PTPRG: variants seen among roughly 807,000 people sequenced by gnomAD.
PTPRG encodes the protein receptor-type tyrosine-protein phosphatase gamma.
Under a neutral mutation model 165.3 loss-of-function variants are expected in PTPRG, and 102 were observed. The observed-to-expected ratio is 0.62, with a 90% confidence interval of 0.53 to 0.73. PTPRG has a LOEUF of 0.73. Among genes scored for constraint, PTPRG ranks in the 30% least tolerant of loss-of-function variants. The probability of loss-of-function intolerance (pLI) is 0.00; values close to 1 mark genes in which losing one functional copy is unlikely to be tolerated. For missense variants in PTPRG, 1,866 were observed against 1,861.4 expected (o/e 1.00, Z -0.05); for synonymous variants, 675 against 669.5 (o/e 1.01, Z -0.13).
At chr3:61,903,369 T>C (rs1056723945) in intron 2 of PTPRG, among the ~76,000 whole-genome samples, 1 of 152,152 alleles carries the variant, frequency 6.6e-6, no homozygotes, top group Non-Finnish European at 1.5e-5. Flanking sequence ...GGCTATTGGC[T>C]TCTTTTTTTA....
At chr3:62,051,949 C>G (rs145140485) in intron 4 of PTPRG, among the ~76,000 whole-genome samples, 1 of 152,218 alleles carries the variant, frequency 6.6e-6, no homozygotes, top group East Asian at 1.9e-4. Context: ...TGTTAATATA[C>G]CTTTGTAACC....
At position 61,995,710 on chromosome 3, in the gene PTPRG, T is replaced by G. The variant is rs1265231783; in HGVS notation, c.370+5906T>G. ...TTCCTTCCTTCCTTCCTTCCTTCCTTCCTTCCTTCCTTCCTTCCTTCCTTC... is the reference window on the plus strand; with the variant it reads ...TTCCTTCCTTCCTTCCTTCCTTCCTGCCTTCCTTCCTTCCTTCCTTCCTTC... On this transcript the variant is annotated intron_variant, in intron 3 of 29. Transcript: ENST00000474889. Among the ~76,000 whole-genome samples, 198 of 136,832 alleles carry G rather than the reference T, an allele frequency of 1.4e-3. 4 individuals carry two copies. Among genetic ancestry groups the G allele is most frequent in the Middle Eastern group, 3.6e-3 (1 of 280 alleles). 89.8% of individuals were successfully genotyped at this position (136,832 alleles called of 152,430 possible).
At chr3:61,609,222 G>A (rs1701097440) in intron 1 of PTPRG, among the ~76,000 whole-genome samples, 3 of 152,188 alleles carry the variant, frequency 2.0e-5, no homozygotes, top group Non-Finnish European at 4.4e-5. Context: ...ATACCTTGCT[G>A]TGTGGGTCGA....
At chr3:62,200,280 TA>T (rs1173695198) in intron 10 of PTPRG, among the ~76,000 whole-genome samples, 7 of 152,106 alleles carry the variant, frequency 4.6e-5, no homozygotes, top group Non-Finnish European at 7.3e-5. Flanking sequence ...TTTATTTATT[TA>T]TTTTTTTTGA....
chr3:61,940,885 C>A (rs188083547), intron 2 of PTPRG, among the ~76,000 whole-genome samples: 1 of 152,006 alleles, frequency 6.6e-6, no homozygotes, highest in African/African-American at 2.4e-5. Flanking sequence ...AGGATGATCT[C>A]GATCTCCTGA....
chr3:61,893,128 G>A (rs771371154), intron 2 of PTPRG, among the ~76,000 whole-genome samples: 7 of 152,192 alleles, frequency 4.6e-5, no homozygotes, highest in Non-Finnish European at 1.0e-4. Context: ...GGAGCCATGT[G>A]TGATAGTGGA....
intron 1 of PTPRG, among the ~76,000 whole-genome samples, chr3:61,666,536 G>A (rs1258906593): frequency 1.3e-5 from 2 of 152,176 alleles, no homozygotes; most frequent in Admixed American, 6.5e-5. Flanking sequence ...TGGAAGAAAG[G>A]AAAACCAGCC....
chr3:61,993,782 A>AT (rs1231569462), intron 3 of PTPRG, among the ~76,000 whole-genome samples: 1 of 152,026 alleles, frequency 6.6e-6, no homozygotes. Flanking sequence ...GGGAGTATTT[A>AT]TTTTTTTCTG....
intron 2 of PTPRG, among the ~76,000 whole-genome samples, chr3:61,922,638 AGTTCAG>A (rs2039106858): frequency 6.6e-6 from 1 of 152,200 alleles, no homozygotes; most frequent in African/African-American, 2.4e-5. Flanking sequence ...TCCTTAGCTC[AGTTCAG>A]GTCTTTTATC....
At chr3:61,841,912 G>A (rs549446960) in intron 2 of PTPRG, among the ~76,000 whole-genome samples, 28 of 152,302 alleles carry the variant, frequency 1.8e-4, no homozygotes, top group African/African-American at 4.8e-4. Flanking sequence ...TAAAAATCCC[G>A]ATGGTGGAAG....
At chr3:62,137,598 T>G (rs1703759609) in intron 6 of PTPRG, among the ~76,000 whole-genome samples, 1 of 152,142 alleles carries the variant, frequency 6.6e-6, no homozygotes, top group South Asian at 2.1e-4. Context: ...TCAGTTGTCA[T>G]GGGTTCGCCA....
chr3:62,098,415 A>G (rs1576000407), intron 5 of PTPRG, among the ~76,000 whole-genome samples: 1 of 152,340 alleles, frequency 6.6e-6, no homozygotes, highest in East Asian at 1.9e-4. Context: ...ACCATTTTAT[A>G]TAAGGGACTT....
At chr3:62,163,451 A>G (rs1704846312) in intron 7 of PTPRG, among the ~76,000 whole-genome samples, 1 of 152,082 alleles carries the variant, frequency 6.6e-6, no homozygotes. Flanking sequence ...TGTTCATGAT[A>G]TAATAAGAGT....
At chr3:61,663,274 G>A (rs1702716653) in intron 1 of PTPRG, among the ~76,000 whole-genome samples, 1 of 152,152 alleles carries the variant, frequency 6.6e-6, no homozygotes, top group African/African-American at 2.4e-5. Flanking sequence ...ATGAAGGTAG[G>A]GACATGTCTG....
At chr3:61,806,690 G>C (rs1212258170) in intron 2 of PTPRG, among the ~76,000 whole-genome samples, 1 of 152,112 alleles carries the variant, frequency 6.6e-6, no homozygotes, top group Non-Finnish European at 1.5e-5. Flanking sequence ...ACAGAAATAG[G>C]CTCCGATGGG....
chr3:62,287,564 G>C (rs1178415798), intron 28 of PTPRG, among the ~76,000 whole-genome samples: 1 of 151,926 alleles, frequency 6.6e-6, no homozygotes, highest in Non-Finnish European at 1.5e-5. Flanking sequence ...AATGAAACTA[G>C]AATGTGGAAG....
intron 4 of PTPRG, among the ~76,000 whole-genome samples, chr3:62,056,651 G>T (rs1168025741): frequency 6.6e-6 from 1 of 152,160 alleles, no homozygotes; most frequent in African/African-American, 2.4e-5. Flanking sequence ...ATAGATGCCA[G>T]TGGCACCCCT....
At chr3:62,261,413 T>A (rs1347264717) in intron 16 of PTPRG, among the ~76,000 whole-genome samples, 1 of 152,198 alleles carries the variant, frequency 6.6e-6, no homozygotes, top group African/African-American at 2.4e-5. Flanking sequence ...CACTTTATTA[T>A]CTCATTTTAG....
At chr3:61,775,786 A>G (rs2034360410) in intron 2 of PTPRG, among the ~76,000 whole-genome samples, 2 of 152,148 alleles carry the variant, frequency 1.3e-5, no homozygotes, top group African/African-American at 4.8e-5. Context: ...AGGGACATGG[A>G]TGAAGCCGGA....
Sources: gnomAD v4.1 joint callset for allele counts (sites outside exome capture counted in the v4.1 genomes callset) on GRCh38, gnomAD v4.1.1 for gene constraint, MANE v1.5 for transcripts, NCBI Gene and HGNC (gene_info 2026-07-23, HGNC 2026-07-21) for gene names.